The following PAK1 variants were observed in gnomAD, a reference collection of about 807,000 sequenced individuals.
The protein encoded by PAK1 is p21 (RAC1) activated kinase 1.
PAK1 carries 29 observed loss-of-function variants against 67.4 expected under a neutral mutation model. That is an observed-to-expected ratio of 0.43 (90% CI 0.32 to 0.59). The LOEUF (loss-of-function observed/expected upper bound fraction) is 0.59, where lower values mean the gene tolerates loss of function less well. PAK1 is among the 20% of genes least tolerant of loss of function. The pLI is 0.07. For synonymous variants in PAK1, 223 were observed against 237.4 expected (o/e 0.94, Z 0.56); for missense variants, 337 against 670.7 (o/e 0.50, Z 5.50).
intron 5 of PAK1, among the ~76,000 whole-genome samples, chr11:77,365,049 C>T (rs921736030): frequency 3.4e-4 from 51 of 151,958 alleles, no homozygotes; most frequent in African/African-American, 1.2e-3. Flanking sequence ...GAGTTCGAGA[C>T]CAGCCTGGCC....
intron 8 of PAK1, 34 bp downstream of exon 8, chr11:77,353,502 C>A (rs778138693): frequency 4.7e-6 from 7 of 1,494,200 alleles, no homozygotes; most frequent in Non-Finnish European, 6.5e-6. Context: ...ACTTTAAAGT[C>A]ATTTCTCCAG....
chr11:77,431,565 T>G (rs1955860609), intron 1 of PAK1, among the ~76,000 whole-genome samples: 1 of 152,126 alleles, frequency 6.6e-6, no homozygotes, highest in Non-Finnish European at 1.5e-5. Flanking sequence ...TGTGGACTGA[T>G]ATGGAAGGCA....
intron 14 of PAK1, among the ~76,000 whole-genome samples, chr11:77,327,730 C>A (rs1198417421): frequency 6.6e-6 from 1 of 152,068 alleles, no homozygotes; most frequent in South Asian, 2.1e-4. Flanking sequence ...CACCAACTAA[C>A]GAGCAAAATA....
At chr11:77,469,895 C>T (rs1162862530) in intron 1 of PAK1, among the ~76,000 whole-genome samples, 1 of 151,870 alleles carries the variant, frequency 6.6e-6, no homozygotes, top group East Asian at 1.9e-4. Context: ...TCGTAATAAT[C>T]AAATCAGGAT....
intron 1 of PAK1, among the ~76,000 whole-genome samples, chr11:77,410,821 G>A (rs961847520): frequency 9.2e-5 from 14 of 152,014 alleles, no homozygotes; most frequent in African/African-American, 3.4e-4. Context: ...GTTATTATCG[G>A]GCCTGACATG....
intron 1 of PAK1, among the ~76,000 whole-genome samples, chr11:77,448,386 G>A (rs1004206153): frequency 1.3e-5 from 2 of 152,152 alleles, no homozygotes; most frequent in African/African-American, 2.4e-5. Flanking sequence ...TGTTTAAGGA[G>A]AGGTAGAATA....
the PAK1 span, among the ~76,000 whole-genome samples, chr11:77,500,461 C>T: frequency 6.6e-6 from 1 of 151,560 alleles, no homozygotes; most frequent in Non-Finnish European, 1.5e-5. Flanking sequence ...AGTGAGACTC[C>T]ACCTCAAAAA....
At chr11:77,522,903 A>G in the PAK1 span, among the ~76,000 whole-genome samples, 1 of 152,222 alleles carries the variant, frequency 6.6e-6, no homozygotes, top group Non-Finnish European at 1.5e-5. Context: ...AAAAATTACA[A>G]AATCATGTTC....
upstream of PAK1, among the ~76,000 whole-genome samples, chr11:77,477,796 T>C (rs1048766172): frequency 6.6e-6 from 1 of 152,070 alleles, no homozygotes; most frequent in African/African-American, 2.4e-5. Context: ...CAGTGATTCA[T>C]GCCTGTAATC....
chr11:77,448,064 T>C (rs2135372049), intron 1 of PAK1, among the ~76,000 whole-genome samples: 1 of 152,336 alleles, frequency 6.6e-6, no homozygotes, highest in South Asian at 2.1e-4. Flanking sequence ...GTCAGAAGAA[T>C]AGTTCCAAAC....
chr11:77,370,676 T>C (rs1948310303), intron 5 of PAK1, among the ~76,000 whole-genome samples: 1 of 152,210 alleles, frequency 6.6e-6, no homozygotes, highest in South Asian at 2.1e-4. Flanking sequence ...CAACAGTTGA[T>C]TTATGTCATG....
the PAK1 span, among the ~76,000 whole-genome samples, chr11:77,527,597 A>T: frequency 6.6e-6 from 1 of 152,168 alleles, no homozygotes; most frequent in Admixed American, 6.5e-5. Flanking sequence ...GTTCAAACTC[A>T]CACCTTTCTG....
the PAK1 span, among the ~76,000 whole-genome samples, chr11:77,489,584 G>A: frequency 3.9e-5 from 6 of 152,258 alleles, no homozygotes; most frequent in East Asian, 3.9e-4. Flanking sequence ...GAGTGCCTGC[G>A]ATTGCAGGCG....
chr11:77,499,260 A>T, the PAK1 span, among the ~76,000 whole-genome samples: 4 of 152,080 alleles, frequency 2.6e-5, no homozygotes, highest in South Asian at 2.1e-4. Context: ...ATGGGGTCTC[A>T]TTATGTTACC....
At chr11:77,521,578 C>T in the PAK1 span, among the ~76,000 whole-genome samples, 1 of 151,788 alleles carries the variant, frequency 6.6e-6, no homozygotes, top group African/African-American at 2.4e-5. Context: ...TACTCCTTAT[C>T]ATAAACCGAA....
At chr11:77,459,448 C>T (rs983914363) in intron 1 of PAK1, among the ~76,000 whole-genome samples, 22 of 152,268 alleles carry the variant, frequency 1.4e-4, no homozygotes, top group African/African-American at 4.6e-4. Flanking sequence ...GCTTGATAAT[C>T]CATTGGACTG....
At chr11:77,394,559 T>C (rs993873669) in intron 1 of PAK1, among the ~76,000 whole-genome samples, 16 of 152,158 alleles carry the variant, frequency 1.1e-4, no homozygotes, top group Middle Eastern at 3.4e-3. Flanking sequence ...TTTAAAACCC[T>C]TCACTGGCTG....
chr11:77,490,335 G>GTCAACCGCCCGCCCGGCCAGCCGCCCC, the PAK1 span, among the ~76,000 whole-genome samples: 1 of 145,178 alleles, frequency 6.9e-6, no homozygotes. Context: ...GAGGTGGGGG[G>GTCAACCGCCCGCCCGGCCAGCCGCCCC]GTCAGCCCCC....
At chr11:77,494,151 G>A in the PAK1 span, among the ~76,000 whole-genome samples, 1 of 152,066 alleles carries the variant, frequency 6.6e-6, no homozygotes, top group Non-Finnish European at 1.5e-5. Flanking sequence ...AAAAAAAATA[G>A]CACAAATACA....
Sources: allele counts gnomAD v4.1 joint callset (sites outside exome capture counted in the v4.1 genomes callset), GRCh38; gene constraint gnomAD v4.1.1; transcripts MANE v1.5; gene names NCBI Gene and HGNC (gene_info 2026-07-23, HGNC 2026-07-21).